Variants in TENM3 observed in about 807,000 individuals in gnomAD.
TENM3 encodes the protein teneurin-3.
TENM3 carries 63 observed loss-of-function variants against 255.1 expected under a neutral mutation model. The ratio of observed to expected loss-of-function variants is 0.25; its 90% CI spans 0.20 to 0.30. TENM3 has a LOEUF of 0.30. Among genes scored for constraint, TENM3 ranks in the 10% least tolerant of loss-of-function variants. TENM3 has a pLI of 1.00. For missense variants in TENM3, 2,929 were observed against 3,461.1 expected (o/e 0.85, Z 3.86); for synonymous variants, 1,306 against 1,322.3 (o/e 0.99, Z 0.27).
At chr4:182,478,222 TA>T (rs1465140569) in intron 3 of TENM3, among the ~76,000 whole-genome samples, 7 of 152,092 alleles carry the variant, frequency 4.6e-5, no homozygotes, top group African/African-American at 1.7e-4. Context: ...TCTCATTCTT[TA>T]AAAATAAACA....
chr4:182,034,616 A>G, the TENM3 span, among the ~76,000 whole-genome samples: 1 of 152,208 alleles, frequency 6.6e-6, no homozygotes, highest in South Asian at 2.1e-4. Context: ...TTGTCTGGAA[A>G]GGTTTTGTTT....
chr4:182,411,253 C>T (rs1769963372), intron 3 of TENM3, among the ~76,000 whole-genome samples: 1 of 152,192 alleles, frequency 6.6e-6, no homozygotes, highest in African/African-American at 2.4e-5. Context: ...TTGATAGTAA[C>T]TAACAAGATA....
At chr4:181,453,487 C>T in the TENM3 span, among the ~76,000 whole-genome samples, 6 of 151,890 alleles carry the variant, frequency 4.0e-5, no homozygotes, top group Admixed American at 1.3e-4. Flanking sequence ...TGATGCCATC[C>T]GATGACAGAA....
At chr4:182,402,064 C>T (rs1769247841) in intron 3 of TENM3, among the ~76,000 whole-genome samples, 1 of 152,158 alleles carries the variant, frequency 6.6e-6, no homozygotes, top group Non-Finnish European at 1.5e-5. Context: ...ATGGCAGACC[C>T]ACGTGGCAGC....
At chr4:182,327,696 A>G (rs1350108432) in intron 2 of TENM3, among the ~76,000 whole-genome samples, 2 of 152,186 alleles carry the variant, frequency 1.3e-5, no homozygotes, top group South Asian at 2.1e-4. Flanking sequence ...GGTGATGGAA[A>G]TGTTGCTCTT....
the TENM3 span, among the ~76,000 whole-genome samples, chr4:182,112,224 C>T: frequency 1.3e-5 from 2 of 152,098 alleles, no homozygotes; most frequent in African/African-American, 2.4e-5. Flanking sequence ...ATTGACCTGA[C>T]CACAAATAGA....
intron 4 of TENM3, among the ~76,000 whole-genome samples, chr4:182,620,516 A>T (rs1349659995): frequency 1.3e-5 from 2 of 152,244 alleles, no homozygotes; most frequent in Admixed American, 1.3e-4. Context: ...GACATAGATC[A>T]TAGTAATGTC....
chr4:182,024,036 G>T, the TENM3 span, among the ~76,000 whole-genome samples: 1 of 152,068 alleles, frequency 6.6e-6, no homozygotes, highest in African/African-American at 2.4e-5. Flanking sequence ...ATGCACTCAT[G>T]ATTATATATT....
chr4:182,114,092 T>G, the TENM3 span, among the ~76,000 whole-genome samples: 1 of 152,210 alleles, frequency 6.6e-6, no homozygotes, highest in South Asian at 2.1e-4. Context: ...AGCTTTCCTC[T>G]TTTCAATGCC....
intron 1 of TENM3, among the ~76,000 whole-genome samples, chr4:182,147,997 C>T (rs1158658704): frequency 1.3e-5 from 2 of 151,934 alleles, no homozygotes; most frequent in East Asian, 1.9e-4. Flanking sequence ...TTTAACAGAC[C>T]TGATGGAAAT....
At chr4:181,866,882 C>T in the TENM3 span, among the ~76,000 whole-genome samples, 2 of 152,110 alleles carry the variant, frequency 1.3e-5, no homozygotes, top group African/African-American at 4.8e-5. Flanking sequence ...GTCCATATAT[C>T]CCCTCCCTTT....
At chr4:181,980,894 A>AAT in the TENM3 span, among the ~76,000 whole-genome samples, 1 of 152,092 alleles carries the variant, frequency 6.6e-6, no homozygotes, top group East Asian at 1.9e-4. Flanking sequence ...TAATGAATTA[A>AAT]ATGTCCTGAA....
chr4:182,157,072 C>T (rs538206891), intron 1 of TENM3, among the ~76,000 whole-genome samples: 1 of 152,280 alleles, frequency 6.6e-6, no homozygotes, highest in Admixed American at 6.5e-5. Context: ...GGTACCCAAC[C>T]TAATGGTTCT....
chr4:182,673,371 G>T (rs1415164122), intron 7 of TENM3, among the ~76,000 whole-genome samples, 152 bp downstream of exon 7: 1 of 152,150 alleles, frequency 6.6e-6, no homozygotes, highest in African/African-American at 2.4e-5. Context: ...TAGATTACTT[G>T]TTCTGAGGTT....
the TENM3 span, among the ~76,000 whole-genome samples, chr4:181,714,191 C>T: frequency 6.6e-6 from 1 of 152,134 alleles, no homozygotes; most frequent in African/African-American, 2.4e-5. Flanking sequence ...ATCCAAACAC[C>T]TTGGGAGGCC....
the TENM3 span, among the ~76,000 whole-genome samples, chr4:181,540,878 C>T: frequency 1.0e-4 from 15 of 147,296 alleles, 1 homozygote; most frequent in African/African-American, 3.5e-4. Flanking sequence ...TAAAGTATGG[C>T]CTTAAATTAA....
At chr4:182,415,892 G>T (rs547278783) in intron 3 of TENM3, among the ~76,000 whole-genome samples, 1 of 152,014 alleles carries the variant, frequency 6.6e-6, no homozygotes, top group South Asian at 2.1e-4. Flanking sequence ...ACTTGGAGTC[G>T]TTTAAAGCAG....
chr4:182,517,358 TA>T (rs557567477), intron 3 of TENM3, among the ~76,000 whole-genome samples: 1 of 126,282 alleles, frequency 7.9e-6, no homozygotes, highest in Admixed American at 8.0e-5. Flanking sequence ...TTATTTGGTT[TA>T]AAAAAAAACA....
chr4:182,144,927 TC>T (rs1414152642), intron 1 of TENM3: 1 of 150,016 alleles, frequency 6.7e-6, no homozygotes, highest in Non-Finnish European at 1.5e-5. Flanking sequence ...GGCCTCCCCG[TC>T]CCCGCCCCGC....
Sources: allele counts gnomAD v4.1 joint callset (sites outside exome capture counted in the v4.1 genomes callset), GRCh38; gene constraint gnomAD v4.1.1; transcripts MANE v1.5; gene names NCBI Gene and HGNC (gene_info 2026-07-23, HGNC 2026-07-21).